AGTPBP1: variants seen among roughly 807,000 people sequenced by gnomAD.
AGTPBP1 encodes the protein cytosolic carboxypeptidase 1.
In AGTPBP1, 70 loss-of-function variants were observed where a neutral mutation model predicts 143.9. The observed-to-expected ratio is 0.49, with a 90% CI of 0.40 to 0.59. The LOEUF (loss-of-function observed/expected upper bound fraction) is 0.59. AGTPBP1 is among the 20% of genes least tolerant of loss of function. AGTPBP1 has a pLI of 0.00. For missense variants in AGTPBP1, 1,229 were observed against 1,464.5 expected (o/e 0.84, Z 2.62); for synonymous variants, 463 against 500.2 (o/e 0.93, Z 0.99).
chr9:85,568,593 T>A lies in AGTPBP1; in HGVS notation c.3503+6722A>T, dbSNP rs552987318. Among the ~76,000 whole-genome samples, 7 of 152,086 alleles carry A rather than the reference T, an allele frequency of 4.6e-5. No homozygotes were observed. In the South Asian group the frequency reaches 1.5e-3, roughly 32 times the overall value. ...GGTTTCTAAGCACACGAGTGACTAG[T>A]GCATGCAAAGAAGCTGGAGGATACC... On this transcript the variant is annotated intron_variant, in intron 25 of 25. Coordinates refer to ENST00000357081, the MANE Select transcript of AGTPBP1 (RefSeq NM_001330701.2).
chr9:85,584,891 A>G (rs780032572), intron 23 of AGTPBP1, among the ~76,000 whole-genome samples: 4 of 152,232 alleles, frequency 2.6e-5, no homozygotes, highest in Non-Finnish European at 5.9e-5. Flanking sequence ...ACAGATAGCA[A>G]TGTTACATAT....
At chr9:85,560,162 T>A (rs2132834043) in intron 25 of AGTPBP1, among the ~76,000 whole-genome samples, 1 of 152,166 alleles carries the variant, frequency 6.6e-6, no homozygotes. Context: ...AAACTAATGG[T>A]CTTGAGTTCC....
intron 25 of AGTPBP1, among the ~76,000 whole-genome samples, chr9:85,563,418 C>G (rs148188203): frequency 6.6e-6 from 1 of 152,032 alleles, no homozygotes; most frequent in Non-Finnish European, 1.5e-5. Flanking sequence ...GGTAGAAATA[C>G]GACAGTAAAG....
At chr9:85,751,795 C>T in the AGTPBP1 span, among the ~76,000 whole-genome samples, 1 of 151,722 alleles carries the variant, frequency 6.6e-6, no homozygotes, top group East Asian at 2.0e-4. Flanking sequence ...TTAGTAGAGA[C>T]GGGGTTTCCC....
At chr9:85,651,742 G>T (rs982848936) in intron 11 of AGTPBP1, among the ~76,000 whole-genome samples, 1 of 152,138 alleles carries the variant, frequency 6.6e-6, no homozygotes, top group Non-Finnish European at 1.5e-5. Flanking sequence ...GAAGTCTTGA[G>T]TCAGAACCCT....
At chr9:85,701,277 T>C (rs1464804734) in intron 2 of AGTPBP1, among the ~76,000 whole-genome samples, 3 of 151,418 alleles carry the variant, frequency 2.0e-5, no homozygotes, top group African/African-American at 7.3e-5. Flanking sequence ...TCACCCACGC[T>C]GGAGGACAGT....
At position 85,615,167 on chromosome 9, in the gene AGTPBP1, G is replaced by A. The variant is rs565880391; in HGVS notation, c.2335+3816C>T. ...TCACAGAAAATACCAAAATAAATCC[G>A]GATGGATGCTGTTAAATATAAACAC... On this transcript the variant is annotated intron_variant, in intron 17 of 25. Transcript: ENST00000357081. Among the ~76,000 whole-genome samples, 8 of 152,092 alleles carry A rather than the reference G, an allele frequency of 5.3e-5. No homozygotes were observed. The East Asian group carries it at 7.7e-4, about 15-fold the overall frequency.
chr9:85,718,889 C>A (rs945055294), intron 1 of AGTPBP1, among the ~76,000 whole-genome samples: 11 of 152,154 alleles, frequency 7.2e-5, no homozygotes, highest in Admixed American at 4.6e-4. Flanking sequence ...CTACATATGG[C>A]TCGCCAGTTT....
In AGTPBP1 at chr9:85,632,894, T is replaced by C. The variant is rs1253063388; in HGVS notation, c.1783A>G (p.Thr595Ala). ...TCATCATCTTCAGTTTCAACTCCAG[T>C]GCAGCAAAGCTTCCCTAGCTGAACT... ...RTVQLGKLCCTGVETEDDEDT... is the reference protein window; with the variant it reads ...RTVQLGKLCCAGVETEDDEDT... Residue 595 changes from threonine (T) to alanine (A), a missense_variant, in exon 14 of 26, where the codon ACT becomes GCT. Thr to Ala is a moderately conservative substitution (Grantham distance 58). Coordinates refer to ENST00000357081, the MANE Select transcript of AGTPBP1 (RefSeq NM_001330701.2). The C allele has an allele frequency of 1.2e-6, 2 of 1,614,040 alleles. No individual in the cohort carries two copies. The highest frequency in any genetic ancestry group is 4.5e-5 in the East Asian group (2 of 44,890).
At chr9:85,767,761 C>T in the AGTPBP1 span, among the ~76,000 whole-genome samples, 1 of 152,056 alleles carries the variant, frequency 6.6e-6, no homozygotes, top group African/African-American at 2.4e-5. Context: ...GGTTTACAGG[C>T]CTTGAGCCAC....
At chr9:85,768,242 ATT>A in the AGTPBP1 span, among the ~76,000 whole-genome samples, 1 of 152,222 alleles carries the variant, frequency 6.6e-6, no homozygotes, top group Non-Finnish European at 1.5e-5. Context: ...TAGAAACTGA[ATT>A]TATACGAAAT....
At chr9:85,765,747 C>T in the AGTPBP1 span, among the ~76,000 whole-genome samples, 2 of 152,168 alleles carry the variant, frequency 1.3e-5, no homozygotes, top group African/African-American at 2.4e-5. Flanking sequence ...GAGAATCATA[C>T]ACAGTGGTGA....
At chr9:85,783,917 G>A in the AGTPBP1 span, among the ~76,000 whole-genome samples, 2 of 152,148 alleles carry the variant, frequency 1.3e-5, no homozygotes, top group Non-Finnish European at 2.9e-5. Flanking sequence ...GAGCCACCGT[G>A]CCCAGCGGTT....
chr9:85,601,790 G>A (rs1219507106), intron 17 of AGTPBP1, among the ~76,000 whole-genome samples: 2 of 152,184 alleles, frequency 1.3e-5, no homozygotes, highest in African/African-American at 4.8e-5. Context: ...CCTAAGGACA[G>A]GAATCTTTGG....
Position 85,598,164 on chromosome 9 carries a change from T to TTC in AGTPBP1, c.2336-1717_2336-1716dup, listed in dbSNP as rs150083382. ...ACTTTTTCCTCATCGCTTTTGGTAT[T>TTC]TCTCTCTCTCTCTCTCTCCCCTGAT... On this transcript the variant is annotated intron_variant, in intron 17 of 25. Transcript: ENST00000357081. Among the ~76,000 whole-genome samples, 1,496 of 150,820 alleles carry TTC rather than the reference T, an allele frequency of 9.9e-3. 22 individuals are homozygous for TTC. Among genetic ancestry groups the TTC allele is most frequent in the African/African-American group, 0.033 (1,365 of 41,246 alleles).
At position 85,547,120 on chromosome 9, in the gene AGTPBP1, A is replaced by C; in HGVS notation, c.3670T>G (p.Tyr1224Asp). ...VLSDSELSRTYLP is the reference protein window; with the variant it reads ...VLSDSELSRTDLP Reference sequence around the variant, plus strand: ...AGATGGCAGCGGGCTCAAGGTAGGTATGTTCTTGATAATTCAGAGTCAGAA... The same window carrying C: ...AGATGGCAGCGGGCTCAAGGTAGGTCTGTTCTTGATAATTCAGAGTCAGAA... Residue 1224 changes from tyrosine to aspartate, a missense_variant, in exon 26 of 26, where the codon TAC becomes GAC. By Grantham distance (160) the Tyr-to-Asp change is radical. Around this residue, in one of 2 missense-constraint regions of AGTPBP1, gnomAD observed 486 missense variants for 652.3 expected, o/e 0.75. Coordinates refer to ENST00000357081, the MANE Select transcript of AGTPBP1 (RefSeq NM_001330701.2). The C allele has an allele frequency of 6.2e-7, 1 of 1,609,104 alleles. No homozygotes were observed. The highest frequency in any genetic ancestry group is 1.7e-4 in the Middle Eastern group (1 of 6,048).
Position 85,646,367 on chromosome 9 carries a change from G to C in AGTPBP1, c.1139C>G (p.Ala380Gly). Residue 380 changes from alanine to glycine, a missense_variant, in exon 12 of 26, where the codon GCT becomes GGT. Around this residue, in one of 2 missense-constraint regions of AGTPBP1, gnomAD observed 743 missense variants for 812.2 expected, o/e 0.91. Coordinates refer to ENST00000357081, the MANE Select transcript of AGTPBP1 (RefSeq NM_001330701.2). ...SDDNDDIDVE[A>G]ENETENEDDL... ...ATCTTCATTCTCAGTTTCGTTTTCA[G>C]CTTCTACATCAATATCATCGTTGTC... 1 of 1,612,996 alleles carries C rather than the reference G, an allele frequency of 6.2e-7. No individual in the cohort carries two copies. Among genetic ancestry groups the C allele is most frequent in the Non-Finnish European group, 8.5e-7 (1 of 1,179,756 alleles).
At chr9:85,781,182 T>C in the AGTPBP1 span, 3 of 1,470,666 alleles carry the variant, frequency 2.0e-6, no homozygotes, top group South Asian at 4.2e-5. Flanking sequence ...TGATTTTAAA[T>C]GCAAATTTTT....
chr9:85,600,803 T>C (rs1489240626), intron 17 of AGTPBP1, among the ~76,000 whole-genome samples: 1 of 152,018 alleles, frequency 6.6e-6, no homozygotes, highest in Non-Finnish European at 1.5e-5. Flanking sequence ...CCCACTCAAC[T>C]GCATCCTGCC....
Sources: allele counts gnomAD v4.1 joint callset (sites outside exome capture counted in the v4.1 genomes callset), GRCh38; gene constraint gnomAD v4.1.1; regional missense constraint gnomAD v4.1.1; transcripts MANE v1.5; gene names NCBI Gene and HGNC (gene_info 2026-07-23, HGNC 2026-07-21).